RP1: variants seen among roughly 807,000 people sequenced by gnomAD.
RP1 encodes oxygen-regulated protein 1.
A neutral mutation model predicts 14.8 loss-of-function variants in RP1; 16 were observed. That is an observed-to-expected ratio of 1.08 (90% CI 0.73 to 1.65). RP1 has a LOEUF of 1.65. RP1 is among the 40% of genes most tolerant of loss of function. The pLI is 0.00. For missense variants in RP1, 2,631 were observed against 2,535.0 expected (o/e 1.04, Z -0.81); for synonymous variants, 876 against 883.6 (o/e 0.99, Z 0.15).
chr8:54,803,602 T>A (rs892265951), intron 24 of RP1, among the ~76,000 whole-genome samples: 1 of 152,046 alleles, frequency 6.6e-6, no homozygotes, highest in African/African-American at 2.4e-5. Flanking sequence ...TATAAATGAG[T>A]GAGGTATATC....
At chr8:54,693,845 C>T (rs1301074090) in intron 12 of RP1, among the ~76,000 whole-genome samples, 1 of 152,096 alleles carries the variant, frequency 6.6e-6, no homozygotes, top group Non-Finnish European at 1.5e-5. Flanking sequence ...GCCAGAACTT[C>T]CAACACTATG....
Position 54,682,682 on chromosome 8 carries a change from T to C in RP1, c.1717+2749T>C, listed in dbSNP as rs567458225. 2.2e-4 allele frequency among the ~76,000 whole-genome samples: 33 copies of C among 152,288 alleles called. No homozygotes were observed. In the South Asian group the frequency reaches 4.8e-3, roughly 22 times the overall value. ...CTTGTAAATTTGTTGAAGTTCCTTG[T>C]AGACTCTGAATATTAGACCTTTGTC... On this transcript the variant is annotated intron_variant, in intron 12 of 22. Transcript: ENST00000636932.
intron 25 of RP1, among the ~76,000 whole-genome samples, chr8:54,847,016 C>T (rs1429313239): frequency 6.6e-6 from 1 of 152,168 alleles, no homozygotes; most frequent in Admixed American, 6.5e-5. Flanking sequence ...ACTCTGTTGC[C>T]TTTCCTCTCC....
chr8:54,603,624 T>C (rs1224792685), intron 1 of RP1, among the ~76,000 whole-genome samples: 1 of 152,212 alleles, frequency 6.6e-6, no homozygotes, highest in East Asian at 1.9e-4. Flanking sequence ...TAAATTACCT[T>C]GAGCAGTGTG....
At chr8:54,785,423 T>G (rs928300427) in intron 24 of RP1, among the ~76,000 whole-genome samples, 23 of 149,640 alleles carry the variant, frequency 1.5e-4, no homozygotes, top group African/African-American at 5.4e-4. Flanking sequence ...TACCAGTTGA[T>G]ACAGATTTGA....
intron 3 of RP1, among the ~76,000 whole-genome samples, chr8:54,647,474 G>T (rs1483854119): frequency 6.6e-6 from 1 of 152,048 alleles, no homozygotes; most frequent in African/African-American, 2.4e-5. Flanking sequence ...TGTATTTATT[G>T]TACCATATAA....
chr8:54,755,873 T>C, intron 21 of RP1: 2 of 1,109,974 alleles, frequency 1.8e-6, no homozygotes, highest in South Asian at 2.0e-5. Context: ...CAAATTGTAG[T>C]TTTAAGACAT....
chr8:54,857,121 CTTGGTAAGAAG>C (rs1812223006), intron 27 of RP1: 1 of 1,180,416 alleles, frequency 8.5e-7, no homozygotes, highest in African/African-American at 1.6e-5. Flanking sequence ...GATTTAGTTT[CTTGGTAAGAAG>C]TTTATTTTGC....
intron 23 of RP1, among the ~76,000 whole-genome samples, chr8:54,778,360 T>C (rs1810093971): frequency 6.7e-6 from 1 of 148,262 alleles, no homozygotes. Flanking sequence ...AGTCTCACTC[T>C]GTTGCCCAGG....
chr8:54,752,506 A>G (rs1452546314), intron 19 of RP1, among the ~76,000 whole-genome samples: 1 of 152,210 alleles, frequency 6.6e-6, no homozygotes, highest in Non-Finnish European at 1.5e-5. Flanking sequence ...TATGATTATT[A>G]TAGACGTTAC....
intron 7 of RP1, among the ~76,000 whole-genome samples, chr8:54,667,562 C>T (rs955691707): frequency 6.6e-6 from 1 of 152,206 alleles, no homozygotes; most frequent in African/African-American, 2.4e-5. Flanking sequence ...CCTGACTGTG[C>T]AGTGCTATTT....
chr8:54,725,248 A>G (rs139250904), intron 16 of RP1, among the ~76,000 whole-genome samples: 4 of 152,200 alleles, frequency 2.6e-5, no homozygotes, highest in Non-Finnish European at 2.9e-5. Context: ...ACAATTATTT[A>G]TTTATTCTCC....
At chr8:54,749,966 A>G (rs1809318346) in intron 19 of RP1, among the ~76,000 whole-genome samples, 1 of 152,058 alleles carries the variant, frequency 6.6e-6, no homozygotes, top group African/African-American at 2.4e-5. Context: ...AAGCAGGAGA[A>G]GCTACTTCAG....
intron 12 of RP1, among the ~76,000 whole-genome samples, chr8:54,691,757 G>A (rs1807715535): frequency 6.6e-6 from 1 of 151,622 alleles, no homozygotes; most frequent in African/African-American, 2.4e-5. Context: ...AGATTAATAG[G>A]GGAAAAAGCA....
intron 12 of RP1, among the ~76,000 whole-genome samples, chr8:54,687,284 A>G (rs1210560047): frequency 1.3e-5 from 2 of 152,078 alleles, no homozygotes; most frequent in Non-Finnish European, 1.5e-5. Flanking sequence ...CAGAGTGGAC[A>G]TGCCTCTGCA....
chr8:54,594,916 A>G (rs1242204219), intron 1 of RP1, among the ~76,000 whole-genome samples: 1 of 152,154 alleles, frequency 6.6e-6, no homozygotes, highest in Non-Finnish European at 1.5e-5. Flanking sequence ...ATATAGTGGG[A>G]AGGATGGGAA....
chr8:54,843,457 C>T (rs898503209), intron 25 of RP1, among the ~76,000 whole-genome samples: 6 of 152,170 alleles, frequency 3.9e-5, no homozygotes, highest in South Asian at 2.1e-4. Context: ...CCCAAACCGC[C>T]GCCGTATATG....
chr8:54,606,957 C>T (rs1281163266), intron 1 of RP1, among the ~76,000 whole-genome samples: 9 of 150,128 alleles, frequency 6.0e-5, no homozygotes, highest in Non-Finnish European at 1.2e-4. Context: ...AATTTTTTTT[C>T]AAGGTTTTTA....
chr8:54,860,990 A>C (rs1812329854), intron 27 of RP1, among the ~76,000 whole-genome samples: 1 of 152,220 alleles, frequency 6.6e-6, no homozygotes, highest in South Asian at 2.1e-4. Context: ...AGGCTATTTG[A>C]AACTCAGTTA....
Sources: gnomAD v4.1 joint callset for allele counts (sites outside exome capture counted in the v4.1 genomes callset) on GRCh38, gnomAD v4.1.1 for gene constraint, MANE v1.5 for transcripts, NCBI Gene and HGNC (gene_info 2026-07-23, HGNC 2026-07-21) for gene names.